Variants in TMEM132D observed in about 807,000 individuals in gnomAD.
The protein encoded by TMEM132D is transmembrane protein 132D.
A neutral mutation model predicts 62.3 loss-of-function variants in TMEM132D; 21 were observed. That is an observed-to-expected ratio of 0.34 (90% CI 0.24 to 0.49). The LOEUF (loss-of-function observed/expected upper bound fraction) is 0.49, where lower values mean the gene tolerates loss of function less well. Ranked by LOEUF, TMEM132D falls within the 20% of genes least tolerant of loss-of-function variation. The pLI is 0.99. For synonymous variants in TMEM132D, 621 were observed against 575.6 expected, an observed-to-expected ratio of 1.08 and a Z score of -1.13; for missense variants, 1,346 against 1,402.8, an observed-to-expected ratio of 0.96 and a Z score of 0.65.
intron 1 of TMEM132D, among the ~76,000 whole-genome samples, chr12:129,801,939 C>T (rs4523729): frequency 0.071 from 10,721 of 150,746 alleles, 935 homozygotes; most frequent in African/African-American, 0.2. Context: ...AGGGTATCAG[C>T]GATGGAAGAT....
At chr12:129,238,116 T>C (rs1879833747) in intron 4 of TMEM132D, among the ~76,000 whole-genome samples, 1 of 152,146 alleles carries the variant, frequency 6.6e-6, no homozygotes, top group Non-Finnish European at 1.5e-5. Context: ...TCCTAGTCCC[T>C]GTGAAATCTG....
rs544678881 is a variant in TMEM132D, at chr12:129,274,501, A to G, written c.1299+63133T>C. 3.3e-5 allele frequency among the ~76,000 whole-genome samples: 5 copies of G among 152,174 alleles called. No individual in the cohort carries two copies. The South Asian group carries it at 1.0e-3, about 32-fold the overall frequency. ...CCTTTAAACACTGCTCATCCTACCA[A>G]TCCTACTTCCTCATCTTTTTTTTAA... On this transcript the variant is annotated intron_variant, in intron 4 of 8. Transcript: ENST00000422113.
chr12:129,873,364 C>A (rs901925750), intron 1 of TMEM132D, among the ~76,000 whole-genome samples: 4 of 151,952 alleles, frequency 2.6e-5, no homozygotes, highest in Non-Finnish European at 5.9e-5. Context: ...CATTATCACA[C>A]CATTTCGCTG....
intron 1 of TMEM132D, among the ~76,000 whole-genome samples, chr12:129,821,034 C>G (rs1872529340): frequency 6.6e-6 from 1 of 152,228 alleles, no homozygotes; most frequent in African/African-American, 2.4e-5. Flanking sequence ...CTCCCTCCTC[C>G]TTTCTCCTAT....
intron 4 of TMEM132D, among the ~76,000 whole-genome samples, chr12:129,319,065 T>C (rs1233558600): frequency 6.6e-6 from 1 of 152,172 alleles, no homozygotes; most frequent in African/African-American, 2.4e-5. Context: ...AAAAAAGGTC[T>C]TGGTTCTTCC....
chr12:129,424,459 G>A (rs1253322705), intron 3 of TMEM132D, among the ~76,000 whole-genome samples: 2 of 151,956 alleles, frequency 1.3e-5, no homozygotes, highest in African/African-American at 2.4e-5. Context: ...AAGACATCTC[G>A]GGAGGCCGAG....
chr12:129,587,091 CA>C (rs576750502), intron 2 of TMEM132D, among the ~76,000 whole-genome samples: 34 of 152,196 alleles, frequency 2.2e-4, no homozygotes, highest in Middle Eastern at 3.4e-3. Flanking sequence ...TAGAGCAAAA[CA>C]TATCACTACA....
chr12:129,525,785 A>G (rs1014264051), intron 3 of TMEM132D, among the ~76,000 whole-genome samples: 1 of 152,216 alleles, frequency 6.6e-6, no homozygotes, highest in Non-Finnish European at 1.5e-5. Flanking sequence ...TGGATCTCAC[A>G]TTTATGTTCT....
At chr12:129,127,735 G>A (rs1365253294) in intron 5 of TMEM132D, among the ~76,000 whole-genome samples, 1 of 152,016 alleles carries the variant, frequency 6.6e-6, no homozygotes, top group Non-Finnish European at 1.5e-5. Flanking sequence ...CAGCACCTAA[G>A]TTTCCAAATG....
chr12:129,295,514 T>C (rs1881553242), intron 4 of TMEM132D, among the ~76,000 whole-genome samples: 1 of 138,672 alleles, frequency 7.2e-6, no homozygotes, highest in Non-Finnish European at 1.5e-5. Flanking sequence ...CACTGCAACC[T>C]CCACCTCCCG....
intron 1 of TMEM132D, among the ~76,000 whole-genome samples, chr12:129,840,836 C>T (rs1873169296): frequency 6.6e-6 from 1 of 152,184 alleles, no homozygotes; most frequent in African/African-American, 2.4e-5. Context: ...TTAAATAAGA[C>T]AATACTCGAA....
chr12:129,810,674 CTAAG>C (rs1198746299), intron 1 of TMEM132D, among the ~76,000 whole-genome samples: 3 of 152,172 alleles, frequency 2.0e-5, no homozygotes, highest in South Asian at 2.1e-4. Flanking sequence ...TTAAAAAAAT[CTAAG>C]TAAGTTTCAG....
At chr12:129,580,274 C>T (rs1351941605) in intron 2 of TMEM132D, among the ~76,000 whole-genome samples, 2 of 152,164 alleles carry the variant, frequency 1.3e-5, no homozygotes, top group Admixed American at 1.3e-4. Context: ...AAATGTGAAG[C>T]CATCAGATTA....
chr12:129,194,788 T>C (rs1396822079), intron 5 of TMEM132D, among the ~76,000 whole-genome samples: 2 of 152,164 alleles, frequency 1.3e-5, no homozygotes, highest in East Asian at 1.9e-4. Context: ...CTTATCCAAA[T>C]GAAGAAAATG....
At chr12:129,687,950 T>C (rs1451142767) in intron 2 of TMEM132D, among the ~76,000 whole-genome samples, 1 of 152,198 alleles carries the variant, frequency 6.6e-6, no homozygotes, top group East Asian at 1.9e-4. Flanking sequence ...CTCACTGTTA[T>C]TACATTCCTC....
At chr12:129,608,364 T>C (rs1436861930) in intron 2 of TMEM132D, among the ~76,000 whole-genome samples, 1 of 152,146 alleles carries the variant, frequency 6.6e-6, no homozygotes, top group African/African-American at 2.4e-5. Flanking sequence ...CTAGGACTTG[T>C]TGCTGTTTTC....
intron 2 of TMEM132D, among the ~76,000 whole-genome samples, chr12:129,548,548 A>T (rs1355511961): frequency 6.6e-6 from 1 of 152,172 alleles, no homozygotes; most frequent in Non-Finnish European, 1.5e-5. Flanking sequence ...CCCATATTGG[A>T]TATTAGGACC....
At chr12:129,648,046 G>C (rs951795415) in intron 2 of TMEM132D, among the ~76,000 whole-genome samples, 1 of 152,104 alleles carries the variant, frequency 6.6e-6, no homozygotes, top group African/African-American at 2.4e-5. Context: ...AGACCAGACC[G>C]CTTTGTAAAA....
chr12:129,679,379 A>G (rs1363436969), intron 2 of TMEM132D, among the ~76,000 whole-genome samples: 1 of 152,044 alleles, frequency 6.6e-6, no homozygotes, highest in Non-Finnish European at 1.5e-5. Flanking sequence ...TACCCCTTCA[A>G]TCTATAGATT....
Sources: allele counts gnomAD v4.1 joint callset (sites outside exome capture counted in the v4.1 genomes callset), GRCh38; gene constraint gnomAD v4.1.1; transcripts MANE v1.5; gene names NCBI Gene and HGNC (gene_info 2026-07-23, HGNC 2026-07-21).